The following OTULINL variants were observed in gnomAD, a reference collection of about 807,000 sequenced individuals.
OTULINL encodes OTU deubiquitinase with linear linkage specificity like.
A neutral mutation model predicts 43.9 loss-of-function variants in OTULINL; 42 were observed. The observed-to-expected ratio is 0.96, with a 90% CI of 0.75 to 1.24. The LOEUF (loss-of-function observed/expected upper bound fraction) is 1.24. Among genes scored for constraint, OTULINL ranks in the 50% most tolerant of loss-of-function variants. OTULINL has a pLI of 0.00. For synonymous variants in OTULINL, 172 were observed against 153.6 expected, an observed-to-expected ratio of 1.12 and a Z score of -0.88; for missense variants, 411 against 426.4, an observed-to-expected ratio of 0.96 and a Z score of 0.32.
At chr5:14,586,223 G>C (rs1759099577) in intron 1 of OTULINL, among the ~76,000 whole-genome samples, 2 of 152,168 alleles carry the variant, frequency 1.3e-5, no homozygotes, top group Admixed American at 1.3e-4. Flanking sequence ...TATCTGATTT[G>C]TAATTAATTT....
chr5:14,584,687 AT>A (rs1156644442), intron 1 of OTULINL, among the ~76,000 whole-genome samples: 1 of 152,132 alleles, frequency 6.6e-6, no homozygotes, highest in Admixed American at 6.5e-5. Context: ...AGTAGCTGTT[AT>A]TTTTTAACCT....
chr5:14,584,068 A>G (rs756971453), intron 1 of OTULINL, among the ~76,000 whole-genome samples: 94 of 152,360 alleles, frequency 6.2e-4, no homozygotes, highest in South Asian at 1.9e-3. Flanking sequence ...CCCAGAGAAG[A>G]TGCTGTCATC....
rs185245074 is a variant in OTULINL at position 14,612,088 on chromosome 5, T to G, written c.*1774T>G. ...TTGACCTCTACAGTCCCTGCCTGTT[T>G]GGAAACATCTATGGTTTTGTATAAC... On this transcript the variant is annotated 3_prime_UTR_variant, in exon 8 of 8. Transcript: ENST00000274217. The G allele has an allele frequency of 2.6e-5, 4 of 152,374 alleles. No homozygotes were observed. In the East Asian group the frequency reaches 7.7e-4, roughly 29 times the overall value. 9.4% of individuals were successfully genotyped at this position (152,374 alleles called of 1,614,324 possible).
Position 14,581,818 on chromosome 5 carries a change from G to T in OTULINL, c.-77G>T, listed in dbSNP as rs1426633961. 18 of 1,199,294 alleles carry T rather than the reference G, an allele frequency of 1.5e-5. No individual in the cohort carries two copies. Among genetic ancestry groups the T allele is most frequent in the African/African-American group, 1.6e-5 (1 of 62,172 alleles). The allele number at this position is 1,199,294 out of a possible 1,614,324, so 74.3% of individuals were successfully genotyped here. On this transcript the variant is annotated 5_prime_UTR_variant, in exon 1 of 8. Coordinates refer to ENST00000274217, the MANE Select transcript of OTULINL (RefSeq NM_019018.3). ...CCTCAGGGAAGCGAGCCCGGGCGCC[G>T]GCGGGCGGCCGTCGCGTCTGACAGA... is the stretch of plus-strand genomic sequence containing the variant.
At chr5:14,588,766 C>A (rs1001935210) in intron 1 of OTULINL, among the ~76,000 whole-genome samples, 10 of 152,196 alleles carry the variant, frequency 6.6e-5, no homozygotes, top group African/African-American at 2.4e-4. Context: ...GGAGCATCAG[C>A]CATCACATTT....
At chr5:14,599,856 T>C (rs1759353907) in intron 1 of OTULINL, among the ~76,000 whole-genome samples, 1 of 152,248 alleles carries the variant, frequency 6.6e-6, no homozygotes, top group Non-Finnish European at 1.5e-5. Flanking sequence ...GGAATCACAG[T>C]GTATATCATA....
chr5:14,613,292 C>G lies in OTULINL; in HGVS notation c.*2978C>G, dbSNP rs1010805137. On this transcript the variant is annotated 3_prime_UTR_variant, in exon 8 of 8. Coordinates refer to ENST00000274217, the MANE Select transcript of OTULINL (RefSeq NM_019018.3). Reference sequence around the variant, plus strand: ...TGTGCAACCCTCACCACCATCCACCCTCAGAACTTTTTAAAATCTCCAAGA... The same window carrying G: ...TGTGCAACCCTCACCACCATCCACCGTCAGAACTTTTTAAAATCTCCAAGA... Among the ~76,000 whole-genome samples, 3 of 152,176 alleles carry G rather than the reference C, an allele frequency of 2.0e-5. No individual in the cohort carries two copies. The highest frequency in any genetic ancestry group is 7.2e-5 in the African/African-American group (3 of 41,458).
chr5:14,582,943 C>G (rs985166537), intron 1 of OTULINL, among the ~76,000 whole-genome samples: 1 of 152,030 alleles, frequency 6.6e-6, no homozygotes, highest in African/African-American at 2.4e-5. Context: ...TAACCAGCCC[C>G]GAGAAAGATG....
intron 1 of OTULINL, among the ~76,000 whole-genome samples, chr5:14,592,116 C>T (rs1296100102): frequency 6.6e-6 from 1 of 152,038 alleles, no homozygotes; most frequent in Admixed American, 6.6e-5. Context: ...AAGACTTACC[C>T]CTGATGTAGA....
At chr5:14,608,248 A>G (rs1005200895) in intron 6 of OTULINL, among the ~76,000 whole-genome samples, 2 of 152,260 alleles carry the variant, frequency 1.3e-5, no homozygotes, top group African/African-American at 4.8e-5. Flanking sequence ...ACAAAATACC[A>G]TAAATTGGGT....
chr5:14,598,124 A>G (rs1759318324), intron 1 of OTULINL, among the ~76,000 whole-genome samples: 1 of 152,184 alleles, frequency 6.6e-6, no homozygotes, highest in Admixed American at 6.5e-5. Flanking sequence ...ACTGCCAACT[A>G]GTAGGTTCCT....
intron 1 of OTULINL, among the ~76,000 whole-genome samples, chr5:14,586,801 G>A (rs1759107591): frequency 6.6e-6 from 1 of 152,016 alleles, no homozygotes; most frequent in South Asian, 2.1e-4. Context: ...TAATGTAGTT[G>A]GAAGTCATTC....
rs1331893873 is a variant in OTULINL, at chr5:14,615,860, G to T, written c.*5546G>T. 6.6e-6 allele frequency among the ~76,000 whole-genome samples: 1 copy of T among 152,174 alleles called. No homozygotes were observed. The highest frequency in any genetic ancestry group is 2.4e-5 in the African/African-American group (1 of 41,432). On this transcript the variant is annotated 3_prime_UTR_variant, in exon 8 of 8. Transcript: ENST00000274217. ...AGTTGCAGTTGAGACCATTCCTCCT[G>T]TATGTCTTTACAAGCAAATTGAAAC...
intron 5 of OTULINL, among the ~76,000 whole-genome samples, chr5:14,604,257 C>T (rs1039173812): frequency 5.9e-5 from 9 of 152,116 alleles, no homozygotes; most frequent in Non-Finnish European, 1.0e-4. Context: ...TTGCTTGACC[C>T]TAGGAGTTTA....
intron 1 of OTULINL, among the ~76,000 whole-genome samples, chr5:14,583,422 T>G (rs1293953107): frequency 6.6e-6 from 1 of 152,222 alleles, no homozygotes; most frequent in Non-Finnish European, 1.5e-5. Context: ...TATGTTATTT[T>G]CTTTTCTCCT....
chr5:14,604,113 C>T (rs552569724), intron 5 of OTULINL, among the ~76,000 whole-genome samples: 46 of 152,246 alleles, frequency 3.0e-4, no homozygotes, highest in African/African-American at 1.1e-3. Context: ...GGGAGTATCT[C>T]TGGAGGCCAG....
intron 1 of OTULINL, among the ~76,000 whole-genome samples, chr5:14,582,320 C>T (rs1399396044): frequency 6.6e-6 from 1 of 151,618 alleles, no homozygotes; most frequent in Non-Finnish European, 1.5e-5. Context: ...GCGGAGGTCG[C>T]GCCCTGCGCC....
chr5:14,609,469 C>T (rs1461956149), intron 7 of OTULINL, among the ~76,000 whole-genome samples: 2 of 151,980 alleles, frequency 1.3e-5, no homozygotes, highest in Admixed American at 6.6e-5. Flanking sequence ...TCCTAGAGGG[C>T]GAACAAAATT....
At chr5:14,604,523 C>T (rs142016352) in intron 5 of OTULINL, among the ~76,000 whole-genome samples, 69 of 152,304 alleles carry the variant, frequency 4.5e-4, no homozygotes, top group African/African-American at 1.5e-3. Context: ...TACAAAGTCT[C>T]ATCCAAAACA....
Sources: allele counts gnomAD v4.1 joint callset (sites outside exome capture counted in the v4.1 genomes callset), GRCh38; gene constraint gnomAD v4.1.1; transcripts MANE v1.5; gene names NCBI Gene and HGNC (gene_info 2026-07-23, HGNC 2026-07-21).